The following FGF12 variants were observed in gnomAD, a reference collection of about 807,000 sequenced individuals.
The protein encoded by FGF12 is fibroblast growth factor 12.
A neutral mutation model predicts 23.6 loss-of-function variants in FGF12; 14 were observed. That is an observed-to-expected ratio of 0.59 (90% CI 0.39 to 0.93). The LOEUF is 0.93. Ranked by LOEUF, FGF12 falls within the 40% of genes least tolerant of loss-of-function variation. FGF12 has a pLI of 0.00. For missense variants in FGF12, 175 were observed against 217.8 expected, an observed-to-expected ratio of 0.80 and a Z score of 1.24; for synonymous variants, 62 against 77.3, an observed-to-expected ratio of 0.80 and a Z score of 1.04.
Position 192,208,538 on chromosome 3 carries a change from T to C in FGF12, c.229-37882A>G, listed in dbSNP as rs145800990. Among the ~76,000 whole-genome samples, 689 of 152,354 alleles carry C rather than the reference T, an allele frequency of 4.5e-3. 2 individuals are homozygous for C. Among genetic ancestry groups the C allele is most frequent in the Non-Finnish European group, 8.1e-3 (552 of 68,022 alleles). Reference sequence around the variant, plus strand: ...CATGTTGTAATTTGGATATTTTATATATATACACCAAATTATAAAAGAAAA... The same window carrying C: ...CATGTTGTAATTTGGATATTTTATACATATACACCAAATTATAAAAGAAAA... On this transcript the variant is annotated intron_variant, in intron 4 of 5. Coordinates refer to ENST00000445105, the MANE Select transcript of FGF12 (RefSeq NM_004113.6).
At chr3:192,556,326 A>C (rs978193927) in intron 2 of FGF12, among the ~76,000 whole-genome samples, 3 of 152,204 alleles carry the variant, frequency 2.0e-5, no homozygotes, top group African/African-American at 7.2e-5. Flanking sequence ...AGAGATGGAA[A>C]AGATTTTCCA....
chr3:192,642,224 T>C lies in FGF12; in HGVS notation c.13+84957A>G, dbSNP rs116798963. 8.4e-3 allele frequency among the ~76,000 whole-genome samples: 1,281 copies of C among 152,342 alleles called. 15 individuals carry two copies. Among genetic ancestry groups the C allele is most frequent in the African/African-American group, 0.029 (1,208 of 41,562 alleles). On this transcript the variant is annotated intron_variant, in intron 2 of 5. Coordinates refer to ENST00000445105, the MANE Select transcript of FGF12 (RefSeq NM_004113.6). ...AAACACTTTCACATCCATTATTCCA[T>C]TAATCTCTCACATGAGGAGCCCATG...
At chr3:192,333,922 C>T (rs79559994) in intron 4 of FGF12, among the ~76,000 whole-genome samples, 4,370 of 152,028 alleles carry the variant, frequency 0.029, 116 homozygotes, top group Non-Finnish European at 0.039. Context: ...GATTTTACAG[C>T]GACAGCAAAT....
At chr3:192,395,797 T>C (rs560676699) in intron 2 of FGF12, among the ~76,000 whole-genome samples, 5 of 152,270 alleles carry the variant, frequency 3.3e-5, no homozygotes, top group Admixed American at 6.5e-5. Flanking sequence ...GAGCTGGGCT[T>C]TGAATAATGG....
At chr3:192,585,181 G>A (rs3897920) in intron 2 of FGF12, among the ~76,000 whole-genome samples, 40,381 of 151,838 alleles carry the variant, frequency 0.27, 5,757 homozygotes, top group East Asian at 0.52. Context: ...TTTCTAGGTC[G>A]GGTCCAAACA....
At chr3:192,295,806 T>G (rs1053180856) in intron 4 of FGF12, among the ~76,000 whole-genome samples, 2 of 152,244 alleles carry the variant, frequency 1.3e-5, no homozygotes, top group African/African-American at 4.8e-5. Flanking sequence ...ACACTCCCAT[T>G]TTTCATAGCT....
intron 3 of FGF12, among the ~76,000 whole-genome samples, chr3:192,337,858 T>C (rs935832042): frequency 4.6e-5 from 7 of 152,164 alleles, no homozygotes; most frequent in African/African-American, 1.7e-4. Context: ...CTCAGTAATA[T>C]TTTTTAGTTT....
chr3:192,536,018 T>A (rs1725214662), intron 2 of FGF12, among the ~76,000 whole-genome samples: 1 of 152,240 alleles, frequency 6.6e-6, no homozygotes, highest in South Asian at 2.1e-4. Flanking sequence ...GGTAACATTA[T>A]GTCCTAATAC....
intron 2 of FGF12, among the ~76,000 whole-genome samples, chr3:192,585,615 T>G (rs1363942976): frequency 6.6e-6 from 1 of 151,956 alleles, no homozygotes; most frequent in African/African-American, 2.4e-5. Flanking sequence ...AGGACCCAAT[T>G]TTTTTCTCCC....
At chr3:192,633,495 A>G (rs1715468854) in intron 2 of FGF12, among the ~76,000 whole-genome samples, 1 of 152,134 alleles carries the variant, frequency 6.6e-6, no homozygotes. Context: ...ACTACGGAAG[A>G]GTTAAAAGAT....
At chr3:192,363,488 G>C (rs562887533) in intron 2 of FGF12, among the ~76,000 whole-genome samples, 39 of 152,220 alleles carry the variant, frequency 2.6e-4, no homozygotes, top group Non-Finnish European at 4.3e-4. Context: ...AACAGGCCCA[G>C]AGTCTGCGTT....
At chr3:192,534,079 A>T (rs532117342) in intron 2 of FGF12, 120 of 195,628 alleles carry the variant, frequency 6.1e-4, no homozygotes, top group African/African-American at 2.6e-3. Flanking sequence ...ACACGTGAAC[A>T]CCCAATCATC....
At chr3:192,193,666 T>G (rs1026150473) in intron 4 of FGF12, among the ~76,000 whole-genome samples, 1 of 152,202 alleles carries the variant, frequency 6.6e-6, no homozygotes, top group African/African-American at 2.4e-5. Context: ...TCTTCCATTT[T>G]CAACATCACT....
At chr3:192,692,977 A>G (rs1468538134) in intron 2 of FGF12, among the ~76,000 whole-genome samples, 1 of 130,096 alleles carries the variant, frequency 7.7e-6, no homozygotes, top group Non-Finnish European at 1.6e-5. Context: ...ACCAGAAAAG[A>G]AAAAAAAAAA....
chr3:192,335,521 T>G (rs929026489), intron 3 of FGF12, 57 bp from the exon 4 acceptor site: 1 of 1,026,552 alleles, frequency 9.7e-7, no homozygotes, highest in Admixed American at 1.8e-5. Context: ...TAAATAATCC[T>G]TCTTATAATC....
Position 192,499,168 on chromosome 3 carries a change from G to A in FGF12, c.14-138630C>T, listed in dbSNP as rs115255567. Among the ~76,000 whole-genome samples the A allele has an allele frequency of 4.6e-3, 701 of 152,080 alleles. 2 individuals are homozygous for A. The highest frequency in any genetic ancestry group is 6.3e-3 in the Non-Finnish European group (425 of 67,994). The stretch of plus-strand genomic sequence containing the variant: ...GCTTTTTATATTTTACGCTTTGGAC[G>A]TACACTATTTCATTTAAACTTCACA... On this transcript the variant is annotated intron_variant, in intron 2 of 5. Transcript: ENST00000445105.
intron 2 of FGF12, among the ~76,000 whole-genome samples, chr3:192,614,179 C>CT (rs913684011): frequency 2.3e-4 from 34 of 150,786 alleles, no homozygotes; most frequent in South Asian, 8.4e-4. Flanking sequence ...TTTTTATTTC[C>CT]TTTTTTTTTC....
At chr3:192,188,498 T>C (rs1716611313) in intron 4 of FGF12, among the ~76,000 whole-genome samples, 1 of 152,202 alleles carries the variant, frequency 6.6e-6, no homozygotes, top group Non-Finnish European at 1.5e-5. Flanking sequence ...CCCATGATTC[T>C]TATATCTATT....
chr3:192,190,177 C>G (rs1453676192), intron 4 of FGF12, among the ~76,000 whole-genome samples: 2 of 152,134 alleles, frequency 1.3e-5, no homozygotes, highest in African/African-American at 4.8e-5. Flanking sequence ...GGATCAAACA[C>G]AGTGGTCAAA....
Sources: allele counts gnomAD v4.1 joint callset (sites outside exome capture counted in the v4.1 genomes callset), GRCh38; gene constraint gnomAD v4.1.1; transcripts MANE v1.5; gene names NCBI Gene and HGNC (gene_info 2026-07-23, HGNC 2026-07-21).